LHFPL6: variants seen among roughly 807,000 people sequenced by gnomAD.
The protein encoded by LHFPL6 is LHFPL tetraspan subfamily member 6 protein.
Under a neutral mutation model 20.6 loss-of-function variants are expected in LHFPL6, and 9 were observed. The observed-to-expected ratio is 0.44, with a 90% CI of 0.26 to 0.76. The LOEUF (loss-of-function observed/expected upper bound fraction) is 0.76, where lower values mean the gene tolerates loss of function less well. Among genes scored for constraint, LHFPL6 ranks in the 30% least tolerant of loss-of-function variants. The pLI is 0.20. For synonymous variants in LHFPL6, 105 were observed against 98.7 expected, an observed-to-expected ratio of 1.06 and a Z score of -0.38; for missense variants, 218 against 253.5, an observed-to-expected ratio of 0.86 and a Z score of 0.95.
At chr13:39,591,683 C>G (rs1311511770) in intron 2 of LHFPL6, among the ~76,000 whole-genome samples, 1 of 152,200 alleles carries the variant, frequency 6.6e-6, no homozygotes, top group Non-Finnish European at 1.5e-5. Context: ...GGAGTTTGTT[C>G]AAAGTGCTCC....
chr13:39,355,218 G>A (rs972612614), intron 3 of LHFPL6, among the ~76,000 whole-genome samples: 2 of 151,812 alleles, frequency 1.3e-5, no homozygotes, highest in African/African-American at 4.8e-5. Flanking sequence ...TTACAAGCCA[G>A]GAGAGATTAG....
chr13:39,600,810 T>C, intron 2 of LHFPL6, 22 bp downstream of exon 2: 1 of 1,468,020 alleles, frequency 6.8e-7, no homozygotes. Flanking sequence ...AGTAAACAAC[T>C]CAAGCTCAGC....
At chr13:39,507,326 T>G (rs1293977975) in intron 2 of LHFPL6, among the ~76,000 whole-genome samples, 1 of 152,158 alleles carries the variant, frequency 6.6e-6, no homozygotes, top group African/African-American at 2.4e-5. Flanking sequence ...CTGCAGTGCA[T>G]TTCCTGTGCC....
intron 2 of LHFPL6, among the ~76,000 whole-genome samples, chr13:39,527,044 T>C (rs555837297): frequency 6.6e-6 from 1 of 152,300 alleles, no homozygotes; most frequent in South Asian, 2.1e-4. Context: ...TCCTCTACTT[T>C]TAGAGAGCAG....
chr13:39,553,240 A>T (rs1363116777), intron 2 of LHFPL6, among the ~76,000 whole-genome samples: 2 of 152,220 alleles, frequency 1.3e-5, no homozygotes, highest in Admixed American at 6.5e-5. Context: ...ATAATTATGA[A>T]TCACTGTGGT....
chr13:39,368,998 T>G (rs189774820), intron 3 of LHFPL6, among the ~76,000 whole-genome samples: 1 of 150,438 alleles, frequency 6.6e-6, no homozygotes, highest in Non-Finnish European at 1.5e-5. Flanking sequence ...ATACAAAAAA[T>G]AATTAGAATG....
intron 3 of LHFPL6, among the ~76,000 whole-genome samples, chr13:39,374,536 G>T (rs1870240564): frequency 6.8e-6 from 1 of 147,958 alleles, no homozygotes; most frequent in African/African-American, 2.5e-5. Flanking sequence ...TAAAATAAAA[G>T]TTGAAATTAT....
At chr13:39,432,697 A>T (rs1026220980) in intron 2 of LHFPL6, among the ~76,000 whole-genome samples, 1 of 152,010 alleles carries the variant, frequency 6.6e-6, no homozygotes, top group African/African-American at 2.4e-5. Context: ...TGATTTACTT[A>T]AAAAAAATTG....
chr13:39,590,212 T>C (rs531723226), intron 2 of LHFPL6, among the ~76,000 whole-genome samples: 1 of 152,286 alleles, frequency 6.6e-6, no homozygotes, highest in East Asian at 1.9e-4. Context: ...GAAAACTGAA[T>C]AAGTTCTACA....
At chr13:39,551,362 T>G (rs1871141520) in intron 2 of LHFPL6, among the ~76,000 whole-genome samples, 1 of 152,082 alleles carries the variant, frequency 6.6e-6, no homozygotes, top group Non-Finnish European at 1.5e-5. Flanking sequence ...ACTAACCCAC[T>G]CCTGTGGTAA....
intron 2 of LHFPL6, among the ~76,000 whole-genome samples, chr13:39,485,937 C>G (rs1025851291): frequency 1.3e-4 from 20 of 152,226 alleles, no homozygotes; most frequent in African/African-American, 4.3e-4. Flanking sequence ...ACCTTGCAAA[C>G]AAGGTTTCCA....
At chr13:39,498,426 T>C (rs963129881) in intron 2 of LHFPL6, among the ~76,000 whole-genome samples, 2 of 152,072 alleles carry the variant, frequency 1.3e-5, no homozygotes, top group Non-Finnish European at 2.9e-5. Context: ...TTGCACGTTT[T>C]CTATCTACAC....
rs1415829122 is a variant in LHFPL6 at position 39,601,795 on chromosome 13, T to G, written c.-174-405A>C. 2.0e-5 allele frequency among the ~76,000 whole-genome samples: 3 copies of G among 152,340 alleles called. No individual in the cohort carries two copies. In the East Asian group the frequency reaches 5.8e-4, roughly 29 times the overall value. ...GGCTTGCAAGTTCATGCTCATAGTT[T>G]GTTGCAACTTTTCTATGTCCCTTTA... On this transcript the variant is annotated intron_variant, in intron 1 of 3. Transcript: ENST00000379589.
intron 2 of LHFPL6, among the ~76,000 whole-genome samples, chr13:39,470,909 C>G (rs1166853485): frequency 6.6e-6 from 1 of 152,192 alleles, no homozygotes; most frequent in Non-Finnish European, 1.5e-5. Context: ...TTCTCCCTCT[C>G]TCCACTTCAG....
intron 2 of LHFPL6, among the ~76,000 whole-genome samples, chr13:39,481,203 C>T (rs189355089): frequency 2.0e-5 from 3 of 152,172 alleles, no homozygotes; most frequent in Admixed American, 6.5e-5. Flanking sequence ...AAACATCAGG[C>T]AATAAAATAC....
chr13:39,492,837 C>T (rs1270744019), intron 2 of LHFPL6, among the ~76,000 whole-genome samples: 3 of 152,012 alleles, frequency 2.0e-5, no homozygotes, highest in East Asian at 3.9e-4. Flanking sequence ...TGCACCACCA[C>T]GTCCAGCTAA....
chr13:39,467,513 C>T (rs1872835280), intron 2 of LHFPL6, among the ~76,000 whole-genome samples: 2 of 152,120 alleles, frequency 1.3e-5, no homozygotes, highest in South Asian at 4.1e-4. Flanking sequence ...CAACCCTGCT[C>T]CTGTCGCTGA....
chr13:39,369,443 G>T (rs1479127292), intron 3 of LHFPL6, among the ~76,000 whole-genome samples: 10 of 152,036 alleles, frequency 6.6e-5, no homozygotes, highest in Non-Finnish European at 1.2e-4. Context: ...TTTTTTTTGG[G>T]AGGTGGTTAG....
At chr13:39,441,987 G>A (rs139087496) in intron 2 of LHFPL6, among the ~76,000 whole-genome samples, 1,647 of 151,562 alleles carry the variant, frequency 0.011, 28 homozygotes, top group African/African-American at 0.038. Context: ...GCACCACCAC[G>A]CCTGGCTAAT....
Sources: allele counts gnomAD v4.1 joint callset (sites outside exome capture counted in the v4.1 genomes callset), GRCh38; gene constraint gnomAD v4.1.1; transcripts MANE v1.5; gene names NCBI Gene and HGNC (gene_info 2026-07-23, HGNC 2026-07-21).